The following FHIT variants were observed in gnomAD, a reference collection of about 807,000 sequenced individuals.
FHIT encodes bis(5'-adenosyl)-triphosphatase.
In FHIT, 19 loss-of-function variants were observed where a neutral mutation model predicts 17.9. The ratio of observed to expected loss-of-function variants is 1.06; its 90% confidence interval spans 0.74 to 1.56. The LOEUF is 1.56. FHIT is among the 40% of genes most tolerant of loss of function. FHIT has a pLI of 0.00. For synonymous variants in FHIT, 81 were observed against 69.7 expected (o/e 1.16, Z -0.81); for missense variants, 248 against 189.2 (o/e 1.31, Z -1.82).
intron 5 of FHIT, among the ~76,000 whole-genome samples, chr3:60,046,861 A>T (rs1701674174): frequency 6.6e-6 from 1 of 152,208 alleles, no homozygotes; most frequent in South Asian, 2.1e-4. Flanking sequence ...TGACTTGTTT[A>T]TCTGACATAG....
chr3:59,913,945 C>A (rs981902721), intron 8 of FHIT, among the ~76,000 whole-genome samples: 4 of 152,158 alleles, frequency 2.6e-5, no homozygotes, highest in African/African-American at 9.7e-5. Context: ...TATTCTAAAT[C>A]TGGGGAAGGT....
At chr3:60,540,894 A>G (rs1241077729) in intron 4 of FHIT, among the ~76,000 whole-genome samples, 2 of 152,160 alleles carry the variant, frequency 1.3e-5, no homozygotes, top group African/African-American at 4.8e-5. Flanking sequence ...AAAACCCAAC[A>G]GTTCTCAAGG....
At chr3:60,002,022 G>C (rs1317176812) in intron 7 of FHIT, among the ~76,000 whole-genome samples, 1 of 152,100 alleles carries the variant, frequency 6.6e-6, no homozygotes, top group Non-Finnish European at 1.5e-5. Flanking sequence ...GTGAACGTTA[G>C]GATAAATGAA....
chr3:59,946,727 G>A (rs1706823755), intron 7 of FHIT, among the ~76,000 whole-genome samples: 1 of 152,262 alleles, frequency 6.6e-6, no homozygotes, highest in African/African-American at 2.4e-5. Flanking sequence ...CAAGAAGGAT[G>A]TCTAATTTTA....
intron 4 of FHIT, among the ~76,000 whole-genome samples, chr3:60,743,312 T>C (rs1553714374): frequency 6.6e-6 from 1 of 152,198 alleles, no homozygotes; most frequent in African/African-American, 2.4e-5. Flanking sequence ...TGTACTTTAT[T>C]GTCATTAATA....
chr3:60,934,498 T>C (rs1553772632), intron 3 of FHIT, among the ~76,000 whole-genome samples: 2 of 152,222 alleles, frequency 1.3e-5, no homozygotes. Flanking sequence ...CAGAGTGAGC[T>C]ACAGCAGTGG....
chr3:60,549,545 C>G (rs1391695145), intron 4 of FHIT, among the ~76,000 whole-genome samples: 1 of 152,102 alleles, frequency 6.6e-6, no homozygotes, highest in Admixed American at 6.5e-5. Flanking sequence ...CTAAATAGCT[C>G]TCAAGAAATG....
intron 5 of FHIT, among the ~76,000 whole-genome samples, chr3:60,320,060 C>T (rs1709352750): frequency 6.6e-6 from 1 of 152,084 alleles, no homozygotes; most frequent in Non-Finnish European, 1.5e-5. Context: ...ACACAAAATC[C>T]CTCTAAGGTG....
chr3:61,244,714 G>T (rs538854012), intron 1 of FHIT, among the ~76,000 whole-genome samples: 3 of 152,080 alleles, frequency 2.0e-5, no homozygotes, highest in Non-Finnish European at 4.4e-5. Flanking sequence ...GAAAACAAAG[G>T]GTTACAGAGA....
At chr3:60,693,201 T>G (rs558534656) in intron 4 of FHIT, among the ~76,000 whole-genome samples, 2 of 152,334 alleles carry the variant, frequency 1.3e-5, no homozygotes, top group African/African-American at 4.8e-5. Context: ...CTTCAATCCC[T>G]TCTTGGATAA....
chr3:60,647,990 G>T (rs1042011342), intron 4 of FHIT, among the ~76,000 whole-genome samples: 15 of 152,144 alleles, frequency 9.9e-5, no homozygotes, highest in Admixed American at 4.6e-4. Context: ...TTGTGGGGAA[G>T]AATAAGACAC....
chr3:60,067,646 C>A (rs1181868436), intron 5 of FHIT, among the ~76,000 whole-genome samples: 1 of 152,188 alleles, frequency 6.6e-6, no homozygotes, highest in Non-Finnish European at 1.5e-5. Flanking sequence ...GACCTTGTAT[C>A]TTGCGAAAGT....
intron 3 of FHIT, among the ~76,000 whole-genome samples, chr3:60,887,775 A>G (rs1443121407): frequency 4.6e-5 from 7 of 152,356 alleles, no homozygotes. Flanking sequence ...AGGTAGTGCC[A>G]GGAATTTGGT....
intron 3 of FHIT, among the ~76,000 whole-genome samples, chr3:60,973,969 T>A (rs1399631905): frequency 1.3e-5 from 2 of 152,204 alleles, no homozygotes; most frequent in Non-Finnish European, 2.9e-5. Context: ...TCAAATCACC[T>A]GTTTATTATC....
intron 4 of FHIT, among the ~76,000 whole-genome samples, chr3:60,769,187 G>T (rs1206382779): frequency 6.6e-6 from 1 of 152,078 alleles, no homozygotes; most frequent in African/African-American, 2.4e-5. Flanking sequence ...CAGTGGAATG[G>T]CCAGTTAATA....
At chr3:60,965,841 C>T (rs888744131) in intron 3 of FHIT, among the ~76,000 whole-genome samples, 14 of 152,184 alleles carry the variant, frequency 9.2e-5, no homozygotes, top group Non-Finnish European at 1.6e-4. Context: ...AGGTGTCAGT[C>T]GGCCCCTACT....
At chr3:60,750,715 A>T (rs545718477) in intron 4 of FHIT, among the ~76,000 whole-genome samples, 1 of 152,288 alleles carries the variant, frequency 6.6e-6, no homozygotes, top group African/African-American at 2.4e-5. Context: ...CAGCAGTGTG[A>T]AAACAGACTA....
chr3:59,811,335 G>T (rs990304137), intron 8 of FHIT, among the ~76,000 whole-genome samples: 4 of 152,226 alleles, frequency 2.6e-5, no homozygotes, highest in African/African-American at 9.6e-5. Flanking sequence ...TTCTGCTTTT[G>T]TGTAGACAAA....
At chr3:60,132,604 A>G (rs1699642515) in intron 5 of FHIT, among the ~76,000 whole-genome samples, 1 of 152,198 alleles carries the variant, frequency 6.6e-6, no homozygotes, top group Non-Finnish European at 1.5e-5. Flanking sequence ...CCCAAAAGTT[A>G]ATAAATGGGT....
Sources: gnomAD v4.1 joint callset for allele counts (sites outside exome capture counted in the v4.1 genomes callset) on GRCh38, gnomAD v4.1.1 for gene constraint, MANE v1.5 for transcripts, NCBI Gene and HGNC (gene_info 2026-07-23, HGNC 2026-07-21) for gene names.